The following MYO16 variants were observed in gnomAD, a reference collection of about 807,000 sequenced individuals.
MYO16 encodes the protein myosin XVI.
Under a neutral mutation model 205.3 loss-of-function variants are expected in MYO16, and 94 were observed. The ratio of observed to expected loss-of-function variants is 0.46; its 90% CI spans 0.39 to 0.54. MYO16 has a LOEUF of 0.54. MYO16 is among the 20% of genes least tolerant of loss of function. The pLI is 0.00. For synonymous variants in MYO16, 988 were observed against 954.0 expected (o/e 1.04, Z -0.66); for missense variants, 2,315 against 2,387.5 (o/e 0.97, Z 0.63).
chr13:108,647,486 T>C (rs1287019608), intron 1 of MYO16, among the ~76,000 whole-genome samples: 2 of 152,344 alleles, frequency 1.3e-5, no homozygotes, highest in East Asian at 3.9e-4. Context: ...TGTTTTAGCT[T>C]TATTTTCAAC....
rs1032015536 is a variant in MYO16, at chr13:108,898,073, A to G, written c.1717A>G (p.Ser573Gly). The change falls in exon 15 of 35, where the codon AGT (serine) becomes GGT (glycine). Residue 573 changes from serine (S) to glycine (G), a missense_variant. Ser to Gly is a moderately conservative substitution (Grantham distance 56). Coordinates refer to ENST00000457511, the MANE Select transcript of MYO16 (RefSeq NM_001198950.3). ...CAAGACCACACTTAATGATTTGTCC[A>G]GTTGCTTCATCAAGTATTTTGAACT... ...HAKTTLNDLSSCFIKYFELQF... is the reference protein window; with the variant it reads ...HAKTTLNDLSGCFIKYFELQF... 6.2e-7 allele frequency: 1 copy of G among 1,614,042 alleles called. No homozygotes were observed. Among genetic ancestry groups the G allele is most frequent in the African/African-American group, 1.3e-5 (1 of 74,934 alleles).
intron 4 of MYO16, among the ~76,000 whole-genome samples, chr13:108,752,079 A>G (rs1471739409): frequency 6.6e-6 from 1 of 152,164 alleles, no homozygotes; most frequent in Non-Finnish European, 1.5e-5. Flanking sequence ...GGAATTGAGG[A>G]CACTGGTATG....
At chr13:108,557,858 T>A in the MYO16 span, among the ~76,000 whole-genome samples, 3 of 152,192 alleles carry the variant, frequency 2.0e-5, no homozygotes, top group African/African-American at 7.2e-5. Flanking sequence ...TTTCCTTTTT[T>A]ATTAAATTTT....
At chr13:108,867,561 A>C (rs1419758774) in intron 12 of MYO16, among the ~76,000 whole-genome samples, 1 of 152,186 alleles carries the variant, frequency 6.6e-6, no homozygotes, top group African/African-American at 2.4e-5. Context: ...AGTTTCATCC[A>C]AGGACTGAAA....
At chr13:109,072,292 C>G (rs901672082) in intron 27 of MYO16, among the ~76,000 whole-genome samples, 1 of 152,100 alleles carries the variant, frequency 6.6e-6, no homozygotes, top group Non-Finnish European at 1.5e-5. Context: ...GGATCTTTGT[C>G]ATTGGAATAG....
intron 31 of MYO16, among the ~76,000 whole-genome samples, chr13:109,134,792 C>G (rs1416889061): frequency 6.6e-6 from 1 of 152,124 alleles, no homozygotes; most frequent in Non-Finnish European, 1.5e-5. Context: ...GTCCCAAACA[C>G]CAAACCAGGT....
At chr13:108,694,447 G>A (rs1371656389) in intron 2 of MYO16, among the ~76,000 whole-genome samples, 1 of 152,044 alleles carries the variant, frequency 6.6e-6, no homozygotes, top group Non-Finnish European at 1.5e-5. Context: ...AACACTTAAT[G>A]TTCCTTTAAA....
intron 21 of MYO16, among the ~76,000 whole-genome samples, chr13:109,001,911 C>T (rs1041129171): frequency 2.0e-5 from 1 of 49,604 alleles, no homozygotes; most frequent in African/African-American, 7.0e-5. Flanking sequence ...AAATCTAACA[C>T]TATTCCTTCT....
At chr13:108,778,367 C>A (rs999630281) in intron 4 of MYO16, among the ~76,000 whole-genome samples, 1 of 152,162 alleles carries the variant, frequency 6.6e-6, no homozygotes, top group East Asian at 1.9e-4. Context: ...GCCTGTGATC[C>A]CAACACTTTG....
At chr13:109,143,225 G>A (rs12584316) in intron 32 of MYO16, among the ~76,000 whole-genome samples, 35,560 of 151,836 alleles carry the variant, frequency 0.23, 4,967 homozygotes, top group Non-Finnish European at 0.31. Context: ...ATTACTTTAG[G>A]TACAAAAACT....
At chr13:108,534,509 T>G in the MYO16 span, among the ~76,000 whole-genome samples, 1 of 152,066 alleles carries the variant, frequency 6.6e-6, no homozygotes, top group Admixed American at 6.6e-5. Flanking sequence ...TTCCTGAATG[T>G]CCACACATAA....
intron 34 of MYO16, among the ~76,000 whole-genome samples, chr13:109,194,053 A>T (rs189640182): frequency 2.0e-4 from 31 of 152,268 alleles, no homozygotes; most frequent in Middle Eastern, 3.4e-3. Flanking sequence ...ATAAGTTATT[A>T]ATCAATTAAT....
chr13:108,933,281 A>G (rs187949630), intron 16 of MYO16, among the ~76,000 whole-genome samples: 2 of 152,330 alleles, frequency 1.3e-5, no homozygotes, highest in African/African-American at 4.8e-5. Flanking sequence ...AAGAATTGTT[A>G]TGCAGACAGG....
chr13:109,003,175 C>G (rs1885272780), intron 21 of MYO16, among the ~76,000 whole-genome samples: 1 of 152,170 alleles, frequency 6.6e-6, no homozygotes, highest in South Asian at 2.1e-4. Context: ...TCACTCTCCA[C>G]TGTTGGAAAC....
intron 9 of MYO16, among the ~76,000 whole-genome samples, chr13:108,831,570 T>C (rs1338557753): frequency 6.6e-6 from 1 of 152,200 alleles, no homozygotes; most frequent in Non-Finnish European, 1.5e-5. Flanking sequence ...TGGAGTGCCA[T>C]GGCACAATCT....
intron 10 of MYO16, among the ~76,000 whole-genome samples, chr13:108,850,544 T>C (rs953735868): frequency 6.6e-6 from 1 of 152,228 alleles, no homozygotes; most frequent in Non-Finnish European, 1.5e-5. Context: ...CTTTTGTACT[T>C]ATCTGGTAAT....
At chr13:108,851,537 T>G (rs1012844465) in intron 10 of MYO16, among the ~76,000 whole-genome samples, 2 of 152,142 alleles carry the variant, frequency 1.3e-5, no homozygotes, top group Admixed American at 6.5e-5. Context: ...AGGCAAGCAT[T>G]CCAGTCTGTG....
intron 27 of MYO16, among the ~76,000 whole-genome samples, chr13:109,084,991 T>G (rs1192948236): frequency 1.3e-5 from 2 of 152,140 alleles, no homozygotes; most frequent in South Asian, 4.1e-4. Context: ...TGGAGTTGAG[T>G]CTTTAAGACC....
chr13:109,022,421 CA>C (rs1312996942), intron 23 of MYO16, among the ~76,000 whole-genome samples: 3 of 105,988 alleles, frequency 2.8e-5, no homozygotes, highest in Admixed American at 1.1e-4. Context: ...ATTGTATATA[CA>C]AATATAAACA....
Sources: gnomAD v4.1 joint callset for allele counts (sites outside exome capture counted in the v4.1 genomes callset) on GRCh38, gnomAD v4.1.1 for gene constraint, MANE v1.5 for transcripts, NCBI Gene and HGNC (gene_info 2026-07-23, HGNC 2026-07-21) for gene names.